Variants in GAS7 observed in about 807,000 individuals in gnomAD.
The protein encoded by GAS7 is growth arrest specific 7, also known as growth arrest-specific protein 7.
Under a neutral mutation model 71.1 loss-of-function variants are expected in GAS7, and 28 were observed. That is an observed-to-expected ratio of 0.39 (90% CI 0.29 to 0.54). The LOEUF (loss-of-function observed/expected upper bound fraction) is 0.54, where lower values mean the gene tolerates loss of function less well. Among genes scored for constraint, GAS7 ranks in the 20% least tolerant of loss-of-function variants. The pLI, the probability that GAS7 is intolerant of heterozygous loss-of-function variation, is 0.62. For missense variants in GAS7, 436 were observed against 627.8 expected (o/e 0.69, Z 3.27); for synonymous variants, 258 against 245.8 (o/e 1.05, Z -0.46).
chr17:10,079,997 G>A (rs922361846), intron 1 of GAS7, among the ~76,000 whole-genome samples: 1 of 152,290 alleles, frequency 6.6e-6, no homozygotes, highest in African/African-American at 2.4e-5. Flanking sequence ...ATCTTGTATA[G>A]AGGCTGGGTA....
rs1193694690 is a variant in GAS7 at position 9,974,874 on chromosome 17, C to T, written c.386-5112G>A. Among the ~76,000 whole-genome samples the T allele has an allele frequency of 6.6e-6, 1 of 152,194 alleles. No homozygotes were observed. Among genetic ancestry groups the T allele is most frequent in the Non-Finnish European group, 1.5e-5 (1 of 68,030 alleles). On this transcript the variant is annotated intron_variant, in intron 3 of 13. Coordinates refer to ENST00000432992, the MANE Select transcript of GAS7 (RefSeq NM_201433.2). This position sits in a 1 kb window ranked among gnomAD's most constrained non-coding sequence, Gnocchi z 4.0. ...CCCACCCACAGCTCGGCTTCCATATCTCAGTACCGATCCCTGAGGGAAAAA... is the reference window on the plus strand; with the variant it reads ...CCCACCCACAGCTCGGCTTCCATATTTCAGTACCGATCCCTGAGGGAAAAA...
intron 4 of GAS7, among the ~76,000 whole-genome samples, chr17:9,964,602 C>A (rs1361128213): frequency 6.6e-6 from 1 of 152,206 alleles, no homozygotes; most frequent in Non-Finnish European, 1.5e-5. Context: ...CCAAGTGAAA[C>A]CCTTGCTCAT....
At chr17:10,038,979 C>T (rs1464212152) in intron 1 of GAS7, among the ~76,000 whole-genome samples, 1 of 152,084 alleles carries the variant, frequency 6.6e-6, no homozygotes, top group Non-Finnish European at 1.5e-5. Context: ...TTCTATGAGG[C>T]ACCTAGAGAA....
intron 1 of GAS7, among the ~76,000 whole-genome samples, chr17:10,152,964 G>A (rs553627395): frequency 3.3e-5 from 5 of 150,332 alleles, no homozygotes; most frequent in South Asian, 2.1e-4. Context: ...TTTGGGAGGC[G>A]GGTGGATTAT....
At chr17:9,970,112 C>G (rs2069898038) in intron 3 of GAS7, among the ~76,000 whole-genome samples, 1 of 152,136 alleles carries the variant, frequency 6.6e-6, no homozygotes, top group African/African-American at 2.4e-5. Context: ...GTCACGGGTC[C>G]AATCTCCCTC....
intron 1 of GAS7, among the ~76,000 whole-genome samples, chr17:10,059,428 C>A (rs963395997): frequency 6.6e-6 from 1 of 152,166 alleles, no homozygotes; most frequent in African/African-American, 2.4e-5. Context: ...CTTCCCCTGC[C>A]CAAGTGGCTT....
intron 9 of GAS7, among the ~76,000 whole-genome samples, chr17:9,927,573 C>G (rs2068056782): frequency 6.6e-6 from 1 of 152,022 alleles, no homozygotes; most frequent in African/African-American, 2.4e-5. Flanking sequence ...CGGCTTTGTT[C>G]TTATGTCTCT....
intron 9 of GAS7, among the ~76,000 whole-genome samples, chr17:9,927,669 G>A (rs1040313681): frequency 5.9e-5 from 9 of 152,116 alleles, no homozygotes; most frequent in Admixed American, 1.3e-4. Context: ...CAGTGACTGG[G>A]GTACGCGGCT....
chr17:10,061,509 A>C (rs1597763519), intron 1 of GAS7: 1 of 152,354 alleles, frequency 6.6e-6, no homozygotes, highest in East Asian at 1.9e-4. Flanking sequence ...CTCCTTGCCA[A>C]GGCCCCAGCA....
chr17:9,984,857 G>A (rs2070578245), intron 2 of GAS7, among the ~76,000 whole-genome samples: 1 of 152,170 alleles, frequency 6.6e-6, no homozygotes, highest in Non-Finnish European at 1.5e-5. Context: ...GCAGCGAGGT[G>A]GGCATCCCCA....
At chr17:10,041,940 C>A (rs1415558022) in intron 1 of GAS7, among the ~76,000 whole-genome samples, 1 of 152,082 alleles carries the variant, frequency 6.6e-6, no homozygotes, top group Non-Finnish European at 1.5e-5. Context: ...AACTGTCAAC[C>A]AAAATAGGCC....
At chr17:10,116,442 C>A (rs184872399) in intron 1 of GAS7, among the ~76,000 whole-genome samples, 1 of 152,086 alleles carries the variant, frequency 6.6e-6, no homozygotes, top group Non-Finnish European at 1.5e-5. Flanking sequence ...GGGCTTACCC[C>A]GGGGAATGCA....
intron 1 of GAS7, chr17:10,039,676 C>T (rs1361007725): frequency 1.8e-5 from 8 of 450,828 alleles, no homozygotes; most frequent in Non-Finnish European, 3.1e-5. Context: ...GAGTGAGACC[C>T]TGTCTCAAAA....
intron 3 of GAS7, among the ~76,000 whole-genome samples, chr17:9,976,159 G>T (rs1267967856): frequency 6.6e-6 from 1 of 152,216 alleles, no homozygotes; most frequent in African/African-American, 2.4e-5. Context: ...TGTGAACTGC[G>T]TTCCCAAAGA....
chr17:9,974,204 C>A lies in GAS7; in HGVS notation c.386-4442G>T, dbSNP rs1364692188. ...AACACAGTTTTCCATTCGACCCTTT[C>A]TCCCCACGTAGCAGCTCTCCTCGGA... On this transcript the variant is annotated intron_variant, in intron 3 of 13. Coordinates refer to ENST00000432992, the MANE Select transcript of GAS7 (RefSeq NM_201433.2). The surrounding 1 kb of genome is among the most constrained non-coding windows in gnomAD (Gnocchi z 4.0). Among the ~76,000 whole-genome samples the A allele has an allele frequency of 6.6e-6, 1 of 152,218 alleles. No homozygotes were observed. Among genetic ancestry groups the A allele is most frequent in the Non-Finnish European group, 1.5e-5 (1 of 68,030 alleles).
chr17:9,920,453 A>G (rs988717305), intron 11 of GAS7, among the ~76,000 whole-genome samples: 1 of 152,228 alleles, frequency 6.6e-6, no homozygotes, highest in Non-Finnish European at 1.5e-5. Flanking sequence ...GTATGTTTAG[A>G]ACATTTTGTA....
At chr17:10,159,969 G>A (rs918506037) in intron 1 of GAS7, among the ~76,000 whole-genome samples, 7 of 151,928 alleles carry the variant, frequency 4.6e-5, no homozygotes, top group African/African-American at 1.5e-4. Context: ...TGTAGAGACA[G>A]GGTTTCCCCA....
At chr17:10,112,791 GAAAGA>G (rs1047012617) in intron 1 of GAS7, among the ~76,000 whole-genome samples, 13 of 137,008 alleles carry the variant, frequency 9.5e-5, no homozygotes, top group Admixed American at 5.2e-4. Flanking sequence ...GAAAGAGAAA[GAAAGA>G]AAAGAAAAGA....
At chr17:10,064,733 A>G (rs914888433) in intron 1 of GAS7, among the ~76,000 whole-genome samples, 19 of 143,460 alleles carry the variant, frequency 1.3e-4, no homozygotes, top group African/African-American at 4.8e-4. Context: ...AGAGATAGAG[A>G]AACATCAGAC....
Sources: allele counts gnomAD v4.1 joint callset (sites outside exome capture counted in the v4.1 genomes callset), GRCh38; gene constraint gnomAD v4.1.1; non-coding constraint Gnocchi (gnomAD v3.1); transcripts MANE v1.5; gene names NCBI Gene and HGNC (gene_info 2026-07-23, HGNC 2026-07-21).